Variants in ADAMTS19 observed in about 807,000 individuals in gnomAD.
The protein encoded by ADAMTS19 is A disintegrin and metalloproteinase with thrombospondin motifs 19.
Under a neutral mutation model 153.3 loss-of-function variants are expected in ADAMTS19, and 93 were observed. The ratio of observed to expected loss-of-function variants is 0.61; its 90% CI spans 0.51 to 0.72. The LOEUF (loss-of-function observed/expected upper bound fraction) is 0.72, where lower values mean the gene tolerates loss of function less well. Among genes scored for constraint, ADAMTS19 ranks in the 30% least tolerant of loss-of-function variants. ADAMTS19 has a pLI of 0.00. For synonymous variants in ADAMTS19, 600 were observed against 556.6 expected, an observed-to-expected ratio of 1.08 and a Z score of -1.10; for missense variants, 1,482 against 1,552.1, an observed-to-expected ratio of 0.95 and a Z score of 0.76.
intron 7 of ADAMTS19, among the ~76,000 whole-genome samples, chr5:129,563,835 T>C (rs1753607099): frequency 6.6e-6 from 1 of 152,190 alleles, no homozygotes; most frequent in East Asian, 1.9e-4. Context: ...TTCAATCAAA[T>C]GCTAATCTAA....
intron 11 of ADAMTS19, among the ~76,000 whole-genome samples, chr5:129,643,382 A>AAAAAG (rs1752907352): frequency 7.0e-6 from 1 of 142,772 alleles, no homozygotes; most frequent in African/African-American, 2.6e-5. Flanking sequence ...AAAAAAAAAA[A>AAAAAG]AAAAGAAAAA....
chr5:129,482,730 T>C (rs986914518), intron 2 of ADAMTS19, among the ~76,000 whole-genome samples: 2 of 152,170 alleles, frequency 1.3e-5, no homozygotes, highest in Non-Finnish European at 2.9e-5. Context: ...TCCCATGATA[T>C]CACTCCATGA....
rs572348777 is a variant in ADAMTS19, at chr5:129,494,814, C to G, written c.748-14263C>G. ...CTTTCTTTCAAATTACACATCCAAA[C>G]ATCGGTTCATTCTTTTTGTTCTACC... On this transcript the variant is annotated intron_variant, in intron 2 of 22. Transcript: ENST00000274487. Among the ~76,000 whole-genome samples the G allele has an allele frequency of 2.9e-4, 44 of 152,244 alleles. 1 individual carries two copies. In the South Asian group the frequency reaches 4.1e-3, roughly 14 times the overall value.
intron 3 of ADAMTS19, among the ~76,000 whole-genome samples, chr5:129,522,162 T>C (rs193136303): frequency 5.0e-4 from 76 of 150,928 alleles, no homozygotes; most frequent in African/African-American, 1.7e-3. Context: ...GCCAATTATA[T>C]ATCCATCTAG....
chr5:129,472,818 C>T (rs1750111032), intron 2 of ADAMTS19, among the ~76,000 whole-genome samples: 1 of 149,928 alleles, frequency 6.7e-6, no homozygotes, highest in Admixed American at 6.7e-5. Context: ...ATTATCTATA[C>T]ATTATATTAT....
At chr5:129,563,815 C>CTA (rs1753606400) in intron 7 of ADAMTS19, among the ~76,000 whole-genome samples, 1 of 152,162 alleles carries the variant, frequency 6.6e-6, no homozygotes, top group African/African-American at 2.4e-5. Context: ...AGATTTCTGA[C>CTA]CTCTAGCTAT....
intron 10 of ADAMTS19, among the ~76,000 whole-genome samples, 166 bp from the exon 11 acceptor site, chr5:129,641,693 G>A (rs981901908): frequency 6.6e-6 from 1 of 151,616 alleles, no homozygotes; most frequent in African/African-American, 2.4e-5. Flanking sequence ...CTATAAATGA[G>A]CCCTATACTA....
chr5:129,711,870 A>G (rs1756495376), intron 21 of ADAMTS19, among the ~76,000 whole-genome samples: 1 of 152,076 alleles, frequency 6.6e-6, no homozygotes, highest in Admixed American at 6.6e-5. Context: ...AGGAAACTAA[A>G]GTATTTCTCC....
chr5:129,544,388 A>G (rs946269350), intron 6 of ADAMTS19, among the ~76,000 whole-genome samples: 58 of 152,276 alleles, frequency 3.8e-4, no homozygotes, highest in Non-Finnish European at 5.9e-4. Flanking sequence ...AAAAAGGCCT[A>G]TGGCTTGTTT....
chr5:129,530,080 C>T (rs1161918419), intron 6 of ADAMTS19, among the ~76,000 whole-genome samples: 1 of 152,060 alleles, frequency 6.6e-6, no homozygotes, highest in African/African-American at 2.4e-5. Context: ...AGTAATTGAA[C>T]TGCCTCCTAA....
chr5:129,724,689 C>T (rs555995014), intron 21 of ADAMTS19, among the ~76,000 whole-genome samples: 17 of 152,044 alleles, frequency 1.1e-4, no homozygotes, highest in African/African-American at 1.7e-4. Flanking sequence ...AGAAGGACTC[C>T]GGAGTGTGTC....
At chr5:129,653,696 T>G (rs1213565632) in intron 13 of ADAMTS19, among the ~76,000 whole-genome samples, 1 of 152,174 alleles carries the variant, frequency 6.6e-6, no homozygotes, top group Non-Finnish European at 1.5e-5. Flanking sequence ...GTAGTAACAA[T>G]CCTAGTAACA....
intron 18 of ADAMTS19, among the ~76,000 whole-genome samples, chr5:129,689,319 A>G (rs1755229168): frequency 6.6e-6 from 1 of 152,208 alleles, no homozygotes; most frequent in Non-Finnish European, 1.5e-5. Flanking sequence ...CTTTGGGTCC[A>G]AGTTGAGGAA....
chr5:129,511,750 T>C, intron 3 of ADAMTS19, among the ~76,000 whole-genome samples: 1 of 151,880 alleles, frequency 6.6e-6, no homozygotes, highest in East Asian at 1.9e-4. Context: ...AGACTGCCTG[T>C]GTTCATATCC....
In ADAMTS19 at chr5:129,528,015, T is replaced by C. The variant is rs531628001; in HGVS notation, c.1170+184T>C. On this transcript the variant is annotated intron_variant, in intron 5 of 22. Coordinates refer to ENST00000274487, the MANE Select transcript of ADAMTS19 (RefSeq NM_133638.6). ...CCCCGATCTTATTTAAAAAATAAGA[T>C]GTCGTTAGTTTCCAAGAATCCTGAA... is the stretch of plus-strand genomic sequence containing the variant. Among the ~76,000 whole-genome samples the C allele has an allele frequency of 2.6e-3, 399 of 152,100 alleles. 2 individuals are homozygous for C. The highest frequency in any genetic ancestry group is 9.1e-3 in the African/African-American group (378 of 41,562).
intron 1 of ADAMTS19, chr5:129,460,818 C>T: frequency 2.1e-6 from 1 of 476,254 alleles, no homozygotes; most frequent in Non-Finnish European, 3.6e-6. Context: ...TTTACTCGTG[C>T]TGGAGTCTTT....
At chr5:129,649,867 G>T (rs945920524) in intron 13 of ADAMTS19, among the ~76,000 whole-genome samples, 1 of 152,130 alleles carries the variant, frequency 6.6e-6, no homozygotes, top group Non-Finnish European at 1.5e-5. Context: ...TAAGAAAATT[G>T]TATGCTGCCT....
intron 13 of ADAMTS19, among the ~76,000 whole-genome samples, chr5:129,652,313 C>T (rs1381251159): frequency 2.0e-5 from 3 of 152,184 alleles, no homozygotes; most frequent in South Asian, 2.1e-4. Flanking sequence ...AAACATGTGA[C>T]ACCTTAAAAT....
chr5:129,543,012 TTTG>T (rs1347480017), intron 6 of ADAMTS19, among the ~76,000 whole-genome samples: 3 of 150,746 alleles, frequency 2.0e-5, no homozygotes, highest in African/African-American at 4.9e-5. Context: ...TTAACTAGTT[TTTG>T]TTGTTGTTTT....
Sources: gnomAD v4.1 joint callset for allele counts (sites outside exome capture counted in the v4.1 genomes callset) on GRCh38, gnomAD v4.1.1 for gene constraint, MANE v1.5 for transcripts, NCBI Gene and HGNC (gene_info 2026-07-23, HGNC 2026-07-21) for gene names.